Variants in SEMA5A observed in about 807,000 individuals in gnomAD.
SEMA5A encodes semaphorin 5A.
Under a neutral mutation model 135.5 loss-of-function variants are expected in SEMA5A, and 55 were observed. The observed-to-expected ratio is 0.41, with a 90% CI of 0.33 to 0.51. SEMA5A has a LOEUF of 0.51. Among genes scored for constraint, SEMA5A ranks in the 20% least tolerant of loss-of-function variants. The pLI, the probability that SEMA5A is intolerant of heterozygous loss-of-function variation, is 0.37. For missense variants in SEMA5A, 1,290 were observed against 1,419.9 expected (o/e 0.91, Z 1.47); for synonymous variants, 580 against 546.5 (o/e 1.06, Z -0.85).
chr5:9,432,027 C>T (rs888042048), intron 2 of SEMA5A, among the ~76,000 whole-genome samples: 4 of 152,192 alleles, frequency 2.6e-5, no homozygotes, highest in African/African-American at 7.2e-5. Context: ...TCTCAAACAG[C>T]AGAGAACAGA....
intron 5 of SEMA5A, among the ~76,000 whole-genome samples, chr5:9,281,292 C>T (rs1403093585): frequency 6.6e-6 from 1 of 152,172 alleles, no homozygotes; most frequent in East Asian, 1.9e-4. Context: ...CTAATTCAAT[C>T]CAGCCAAGAA....
chr5:9,242,460 T>C (rs777524240), intron 5 of SEMA5A, among the ~76,000 whole-genome samples: 2 of 152,232 alleles, frequency 1.3e-5, no homozygotes, highest in African/African-American at 2.4e-5. Context: ...TTCAGTATAC[T>C]TTCATTTCCG....
intron 5 of SEMA5A, among the ~76,000 whole-genome samples, chr5:9,317,497 T>C (rs1314333997): frequency 6.6e-6 from 1 of 152,142 alleles, no homozygotes; most frequent in Admixed American, 6.6e-5. Context: ...TTGGCTGATT[T>C]TAACACCTTG....
At chr5:9,068,118 G>A (rs1353629699) in intron 16 of SEMA5A, among the ~76,000 whole-genome samples, 1 of 152,108 alleles carries the variant, frequency 6.6e-6, no homozygotes, top group Non-Finnish European at 1.5e-5. Flanking sequence ...TATAGCTTCT[G>A]TATCTTCTAA....
intron 13 of SEMA5A, among the ~76,000 whole-genome samples, chr5:9,131,299 G>A (rs1038135181): frequency 3.9e-5 from 6 of 151,992 alleles, no homozygotes; most frequent in African/African-American, 1.2e-4. Context: ...AGTGAGAGAT[G>A]CTAGGGTCTT....
chr5:9,453,133 A>G (rs898415873), intron 1 of SEMA5A, among the ~76,000 whole-genome samples: 1 of 152,214 alleles, frequency 6.6e-6, no homozygotes. Flanking sequence ...TTACATAGTA[A>G]TTGAGATTCA....
chr5:9,392,207 A>T (rs1756191550), intron 2 of SEMA5A, among the ~76,000 whole-genome samples: 1 of 152,124 alleles, frequency 6.6e-6, no homozygotes, highest in Non-Finnish European at 1.5e-5. Context: ...ATTAGATTCC[A>T]TTATTATTTT....
rs183147401 is a variant in SEMA5A, at chr5:9,312,768, G to T, written c.270+5604C>A. 1.8e-4 allele frequency among the ~76,000 whole-genome samples: 27 copies of T among 152,200 alleles called. No individual in the cohort carries two copies. The East Asian group carries it at 4.7e-3, about 26-fold the overall frequency. ...TTTTGGCAAAAGGGAAGAGACTTCC[G>T]ATTTGAAGTACTGTTGACTCCATGT... On this transcript the variant is annotated intron_variant, in intron 5 of 22. Transcript: ENST00000382496.
At chr5:9,220,781 A>G (rs1746902457) in intron 8 of SEMA5A, among the ~76,000 whole-genome samples, 1 of 152,218 alleles carries the variant, frequency 6.6e-6, no homozygotes, top group South Asian at 2.1e-4. Flanking sequence ...CAACAATGTC[A>G]TCCTTCCAGT....
intron 5 of SEMA5A, among the ~76,000 whole-genome samples, chr5:9,257,186 GT>G (rs1321939194): frequency 6.6e-6 from 1 of 152,216 alleles, no homozygotes; most frequent in Non-Finnish European, 1.5e-5. Context: ...CCCTTGAAGA[GT>G]TTTGCATCTG....
chr5:9,101,259 G>A (rs1296471243), intron 16 of SEMA5A, among the ~76,000 whole-genome samples: 1 of 152,180 alleles, frequency 6.6e-6, no homozygotes, highest in South Asian at 2.1e-4. Context: ...AATATTAGAT[G>A]AGGCCACACA....
chr5:9,361,120 A>G (rs533273772), intron 3 of SEMA5A, among the ~76,000 whole-genome samples: 2 of 152,110 alleles, frequency 1.3e-5, no homozygotes, highest in South Asian at 4.2e-4. Flanking sequence ...CCAACATGGT[A>G]AAACGCTGTC....
At chr5:9,466,148 T>G (rs556784161) in intron 1 of SEMA5A, among the ~76,000 whole-genome samples, 1 of 151,812 alleles carries the variant, frequency 6.6e-6, no homozygotes, top group South Asian at 2.1e-4. Flanking sequence ...GGTACCAATG[T>G]GGAGATCACT....
chr5:9,154,717 A>C, intron 11 of SEMA5A, 22 bp from the exon 12 acceptor site: 1 of 1,604,344 alleles, frequency 6.2e-7, no homozygotes, highest in Non-Finnish European at 8.5e-7. Context: ...ACAGGATGAA[A>C]AGGAAACAAG....
intron 1 of SEMA5A, among the ~76,000 whole-genome samples, chr5:9,466,267 C>G (rs1433312864): frequency 1.3e-5 from 2 of 150,832 alleles, no homozygotes; most frequent in Non-Finnish European, 2.9e-5. Flanking sequence ...ATACCTAATG[C>G]TAAATGACGA....
Position 9,525,061 on chromosome 5 carries a change from A to G in SEMA5A, c.-175+20523T>C, listed in dbSNP as rs960234343. Reference sequence around the variant, plus strand: ...ATTGCCAATAGTTGACCTTTCTTGAACTACAAAAATAGCTATTTCATATGG... The same window carrying G: ...ATTGCCAATAGTTGACCTTTCTTGAGCTACAAAAATAGCTATTTCATATGG... On this transcript the variant is annotated intron_variant, in intron 1 of 22. Transcript: ENST00000382496. Among the ~76,000 whole-genome samples, 7 of 152,352 alleles carry G rather than the reference A, an allele frequency of 4.6e-5. No homozygotes were observed. The South Asian group carries it at 1.4e-3, about 32-fold the overall frequency.
At chr5:9,499,223 CT>C (rs953023200) in intron 1 of SEMA5A, among the ~76,000 whole-genome samples, 4 of 152,148 alleles carry the variant, frequency 2.6e-5, no homozygotes, top group Non-Finnish European at 5.9e-5. Flanking sequence ...CTTCACAAAC[CT>C]TTATGGAGCA....
intron 16 of SEMA5A, among the ~76,000 whole-genome samples, chr5:9,092,865 A>G (rs1394032110): frequency 6.6e-6 from 1 of 152,210 alleles, no homozygotes; most frequent in East Asian, 1.9e-4. Flanking sequence ...CATACATTAA[A>G]TAACTAGGTT....
intron 1 of SEMA5A, among the ~76,000 whole-genome samples, chr5:9,543,172 C>A (rs1738186087): frequency 6.6e-6 from 1 of 152,200 alleles, no homozygotes; most frequent in East Asian, 1.9e-4. Flanking sequence ...CAGAGAAAGG[C>A]TTGTTGGTTG....
Sources: allele counts gnomAD v4.1 joint callset (sites outside exome capture counted in the v4.1 genomes callset), GRCh38; gene constraint gnomAD v4.1.1; transcripts MANE v1.5; gene names NCBI Gene and HGNC (gene_info 2026-07-23, HGNC 2026-07-21).